Variants in MAGEL2 observed in about 807,000 individuals in gnomAD.
The protein encoded by MAGEL2 is MAGE-like protein 2.
For missense variants in MAGEL2, 1,830 were observed against 1,699.2 expected (o/e 1.08, Z -1.35); for synonymous variants, 792 against 721.7 (o/e 1.10, Z -1.56).
chr15:23,646,451 C>A lies in MAGEL2; in HGVS notation c.1292G>T (p.Arg431Leu). ...CTGGCGGATCAGCGGTGGGGCCTGT[C>A]GCACCGGTGGTGGGCCAGGGCGGAT... is the stretch of plus-strand genomic sequence containing the variant. ...PPIRPGPPPV[R>L]QAPPLIRQAP... Residue 431 changes from arginine (R) to leucine (L), a missense_variant, in exon 1 of 1, where the codon CGA (arginine) becomes CTA (leucine). By Grantham distance (102) the Arg-to-Leu change is moderately radical. Transcript: ENST00000650528. This position sits in a 1 kb window ranked among gnomAD's most constrained non-coding sequence, Gnocchi z 4.2. 2 of 1,422,164 alleles carry A rather than the reference C, an allele frequency of 1.4e-6. No homozygotes were observed. The highest frequency in any genetic ancestry group is 1.8e-6 in the Non-Finnish European group (2 of 1,097,226). The allele number at this position is 1,422,164 out of a possible 1,614,324, so 88.1% of individuals were successfully genotyped here.
In MAGEL2 at chr15:23,644,140, C is replaced by T; in HGVS notation, c.3603G>A (p.Leu1201=). ...GTGGATCTTTCTTATGGAGCTTGGC[C>T]AAAAACCTCAGGACAAGCATCTTGC... is the stretch of plus-strand genomic sequence containing the variant. ...ETSKMLVLRF[L]AKLHKKDPQS... Residue 1201 remains leucine (L), a synonymous_variant, in exon 1 of 1, where the codon TTG becomes TTA. Coordinates refer to ENST00000650528, the MANE Select transcript of MAGEL2 (RefSeq NM_019066.5). 6.2e-7 allele frequency: 1 copy of T among 1,613,890 alleles called. No individual in the cohort carries two copies. The highest frequency in any genetic ancestry group is 1.7e-5 in the Admixed American group (1 of 60,010).
chr15:23,647,451 G>T lies in MAGEL2; in HGVS notation c.292C>A (p.Pro98Thr). The T allele has an allele frequency of 3.3e-6, 5 of 1,535,234 alleles. No homozygotes were observed. The highest frequency in any genetic ancestry group is 3.5e-6 in the Non-Finnish European group (4 of 1,146,466). The change falls in exon 1 of 1, where the codon CCG (proline) becomes ACG (threonine). Residue 98 changes from proline to threonine, a missense_variant. Physicochemically the swap from Pro to Thr is conservative, Grantham distance 38. Coordinates refer to ENST00000650528, the MANE Select transcript of MAGEL2 (RefSeq NM_019066.5). ...PIVPAPPLGG[P>T]MGKPPTPGVL... ...CCGGGAGTCGGAGGCTTACCCATCG[G>T]GCCCCCCAGCGGGGGAGCCGGGACT...
Position 23,647,715 on chromosome 15 carries a change from CACCCAGATTCTT to C in MAGEL2, c.16_27del (p.Lys6_Gly9del). 2 of 1,471,408 alleles carry C rather than the reference CACCCAGATTCTT, an allele frequency of 1.4e-6. No individual in the cohort carries two copies. Among genetic ancestry groups the C allele is most frequent in the Non-Finnish European group, 1.8e-6 (2 of 1,117,906 alleles). 91.1% of individuals were successfully genotyped at this position (1,471,408 alleles called of 1,614,324 possible). On this transcript the variant is annotated inframe_deletion, in exon 1 of 1. Coordinates refer to ENST00000650528, the MANE Select transcript of MAGEL2 (RefSeq NM_019066.5). ...GGGGCCTCCGCCGGAGGACTCGAGT[CACCCAGATTCTT>C]ACTTAGCTGCGACATGTCCCTTTGC...
chr15:23,645,636 C>T lies in MAGEL2; in HGVS notation c.2107G>A (p.Ala703Thr). The stretch of plus-strand genomic sequence containing the variant: ...GCGGAGCCCAGGGGAAAATTTGCCG[C>T]TGCTACCGGGGGTCCGGGCTGGGCC... ...LQAQPGPPVA[A>T]ANFPLGSAKS... Residue 703 changes from alanine (A) to threonine (T), a missense_variant, in exon 1 of 1, where the codon GCG becomes ACG. By Grantham distance (58) the Ala-to-Thr change is moderately conservative. Coordinates refer to ENST00000650528, the MANE Select transcript of MAGEL2 (RefSeq NM_019066.5). 6.3e-7 allele frequency: 1 copy of T among 1,588,244 alleles called. No individual in the cohort carries two copies. Among genetic ancestry groups the T allele is most frequent in the Non-Finnish European group, 8.6e-7 (1 of 1,168,354 alleles).
Position 23,646,961 on chromosome 15 carries a change from T to G in MAGEL2, c.782A>C (p.Gln261Pro). The change falls in exon 1 of 1, where the codon CAG becomes CCG. Residue 261 changes from glutamine (Q) to proline (P), a missense_variant. By Grantham distance (76) the Gln-to-Pro change is moderately conservative. Coordinates refer to ENST00000650528, the MANE Select transcript of MAGEL2 (RefSeq NM_019066.5). The surrounding 1 kb of genome is among the most constrained non-coding windows in gnomAD (Gnocchi z 4.2). ...GGTCATCATGGCTGCTGGAGGCGGC[T>G]GGACCATCGGTGCTCCCGGAGCAGC... ...QPAAPGAPMVQPPPAAMMTQP... is the reference protein window; with the variant it reads ...QPAAPGAPMVPPPPAAMMTQP... 1 of 1,536,736 alleles carries G rather than the reference T, an allele frequency of 6.5e-7. No homozygotes were observed. The highest frequency in any genetic ancestry group is 1.2e-5 in the South Asian group (1 of 84,056).
At position 23,647,816 on chromosome 15, in the gene MAGEL2, G is replaced by A; in HGVS notation, c.-74C>T. ...CCTTTTCCTCCAGAGAGAAGAGAAT[G>A]CCTACGTGGCTGTTCAGAGGCTCCC... On this transcript the variant is annotated 5_prime_UTR_variant, in exon 1 of 1. Transcript: ENST00000650528. The A allele has an allele frequency of 7.2e-7, 1 of 1,390,038 alleles. No individual in the cohort carries two copies. Among genetic ancestry groups the A allele is most frequent in the Non-Finnish European group, 9.4e-7 (1 of 1,065,130 alleles). The allele number at this position is 1,390,038 out of a possible 1,614,324, so 86.1% of individuals were successfully genotyped here. A position where few individuals can be genotyped will look rare whatever the true frequency, so the allele number is the denominator to read the frequency against.
Position 23,647,394 on chromosome 15 carries a change from C to A in MAGEL2, c.349G>T (p.Ala117Ser). ...VLMVHPPPPG[A>S]PMAQPPTPGV... is the part of the protein sequence containing the mutation. Reference sequence around the variant, plus strand: ...GGGGTCGGAGGCTGGGCCATCGGGGCTCCCGGAGGTGGAGGATGCACCATC... The same window carrying A: ...GGGGTCGGAGGCTGGGCCATCGGGGATCCCGGAGGTGGAGGATGCACCATC... Residue 117 changes from alanine to serine, a missense_variant, in exon 1 of 1, where the codon GCC becomes TCC. Coordinates refer to ENST00000650528, the MANE Select transcript of MAGEL2 (RefSeq NM_019066.5). 1 of 1,535,878 alleles carries A rather than the reference C, an allele frequency of 6.5e-7. No homozygotes were observed. Among genetic ancestry groups the A allele is most frequent in the Non-Finnish European group, 8.7e-7 (1 of 1,146,518 alleles).
chr15:23,646,555 C>A lies in MAGEL2; in HGVS notation c.1188G>T (p.Trp396Cys). 1 of 1,474,154 alleles carries A rather than the reference C, an allele frequency of 6.8e-7. No individual in the cohort carries two copies. Among genetic ancestry groups the A allele is most frequent in the Non-Finnish European group, 8.9e-7 (1 of 1,118,880 alleles). The allele number at this position is 1,474,154 out of a possible 1,614,324, so 91.3% of individuals were successfully genotyped here. ...PLTWQTTQVT[W>C]QAPAVTWQVP... ...CCTGCCAGGTAACGGCTGGTGCCTG[C>A]CAGGTGACCTGCGTGGTCTGCCAAG... The change falls in exon 1 of 1, where the codon TGG (tryptophan) becomes TGT (cysteine). Residue 396 changes from tryptophan to cysteine, a missense_variant. Coordinates refer to ENST00000650528, the MANE Select transcript of MAGEL2 (RefSeq NM_019066.5). This position sits in a 1 kb window ranked among gnomAD's most constrained non-coding sequence, Gnocchi z 4.2.
In MAGEL2 at chr15:23,644,653, G is replaced by C. The variant is rs775596633; in HGVS notation, c.3090C>G (p.Phe1030Leu). The part of the protein sequence containing the change: ...LDERANALVQ[F>L]LLVKDQAKVP... Reference sequence around the variant, plus strand: ...CCTTGGCTTGGTCCTTGACTAAGAGGAACTGCACCAACGCATTTGCCCTCT... The same window carrying C: ...CCTTGGCTTGGTCCTTGACTAAGAGCAACTGCACCAACGCATTTGCCCTCT... The change falls in exon 1 of 1, where the codon TTC (phenylalanine) becomes TTG (leucine). Residue 1030 changes from phenylalanine to leucine, a missense_variant. Physicochemically the swap from Phe to Leu is conservative, Grantham distance 22. Coordinates refer to ENST00000650528, the MANE Select transcript of MAGEL2 (RefSeq NM_019066.5). 3 of 1,613,846 alleles carry C rather than the reference G, an allele frequency of 1.9e-6. No individual in the cohort carries two copies. The South Asian group carries it at 3.3e-5, about 18-fold the overall frequency.
rs867498290 is a variant in MAGEL2 at position 23,647,711 on chromosome 15, G to A, written c.32C>T (p.Ser11Leu). 1 of 1,478,430 alleles carries A rather than the reference G, an allele frequency of 6.8e-7. No individual in the cohort carries two copies. The highest frequency in any genetic ancestry group is 8.9e-7 in the Non-Finnish European group (1 of 1,121,538). The allele number at this position is 1,478,430 out of a possible 1,614,324, so 91.6% of individuals were successfully genotyped here. A position where few individuals can be genotyped will look rare whatever the true frequency, so the allele number is the denominator to read the frequency against. ...CTTCGGGGCCTCCGCCGGAGGACTC[G>A]AGTCACCCAGATTCTTACTTAGCTG... MSQLSKNLGD[S>L]SPPAEAPKPP... Residue 11 changes from serine (S) to leucine (L), a missense_variant, in exon 1 of 1, where the codon TCG becomes TTG. Transcript: ENST00000650528.
In MAGEL2 at chr15:23,647,036, C is replaced by T; in HGVS notation, c.707G>A (p.Gly236Glu). ...AGTCAGAGGCTGGGCCATCAGGACT[C>T]CCGGAGCTGGAGGCTGGGCCATCGG... Reference protein sequence around the residue: ...GTPMAQPPAPGVLMAQPLTPG... With the variant: ...GTPMAQPPAPEVLMAQPLTPG... Residue 236 changes from glycine (G) to glutamate (E), a missense_variant, in exon 1 of 1, where the codon GGA becomes GAA. Coordinates refer to ENST00000650528, the MANE Select transcript of MAGEL2 (RefSeq NM_019066.5). 1 of 1,536,820 alleles carries T rather than the reference C, an allele frequency of 6.5e-7. No individual in the cohort carries two copies. The highest frequency in any genetic ancestry group is 8.7e-7 in the Non-Finnish European group (1 of 1,146,816).
chr15:23,646,071 C>A lies in MAGEL2; in HGVS notation c.1672G>T (p.Gly558Cys). The change falls in exon 1 of 1, where the codon GGC becomes TGC. Residue 558 changes from glycine to cysteine, a missense_variant. By Grantham distance (159) the Gly-to-Cys change is radical. Coordinates refer to ENST00000650528, the MANE Select transcript of MAGEL2 (RefSeq NM_019066.5). The surrounding 1 kb of genome is among the most constrained non-coding windows in gnomAD (Gnocchi z 4.2). ...ATQVPAAPPA[G>C]PQVPQPVLPA... ...AGCACAGGCTGGGGCACCTGCGGGC[C>A]AGCGGGCGGCGCCGCGGGTACCTGC... The A allele has an allele frequency of 6.7e-7, 1 of 1,489,526 alleles. No homozygotes were observed. Among genetic ancestry groups the A allele is most frequent in the Non-Finnish European group, 8.9e-7 (1 of 1,123,684 alleles). 92.3% of individuals were successfully genotyped at this position (1,489,526 alleles called of 1,614,324 possible). A position where few individuals can be genotyped will look rare whatever the true frequency, so the allele number is the denominator to read the frequency against.
At position 23,647,844 on chromosome 15, in the gene MAGEL2, C is replaced by T. The variant is rs1359044659; in HGVS notation, c.-102G>A. 1 of 1,214,952 alleles carries T rather than the reference C, an allele frequency of 8.2e-7. No homozygotes were observed. Among genetic ancestry groups the T allele is most frequent in the East Asian group, 2.7e-5 (1 of 36,954 alleles). 75.3% of individuals were successfully genotyped at this position (1,214,952 alleles called of 1,614,324 possible). A position where few individuals can be genotyped will look rare whatever the true frequency, so the allele number is the denominator to read the frequency against. On this transcript the variant is annotated 5_prime_UTR_variant, in exon 1 of 1. Transcript: ENST00000650528. The stretch of plus-strand genomic sequence containing the variant: ...TACGTGGCTGTTCAGAGGCTCCCTC[C>T]CTGCTGAATGCTGAATAGGAAGTGA...
In MAGEL2 at chr15:23,646,484, G is replaced by A; in HGVS notation, c.1259C>T (p.Pro420Leu). The change falls in exon 1 of 1, where the codon CCA (proline) becomes CTA (leucine). Residue 420 changes from proline to leucine, a missense_variant. Transcript: ENST00000650528. The surrounding 1 kb of genome is among the most constrained non-coding windows in gnomAD (Gnocchi z 4.2). ...RQGPPPIRPG[P>L]PPIRPGPPPV... ...TGGTGGGCCAGGGCGGATGGGTGGT[G>A]GGCCAGGGCGGATGGGCGGGGGCCC... is the stretch of plus-strand genomic sequence containing the variant. 3.5e-6 allele frequency: 5 copies of A among 1,444,730 alleles called. No individual in the cohort carries two copies. Among genetic ancestry groups the A allele is most frequent in the Non-Finnish European group, 4.5e-6 (5 of 1,106,532 alleles). The allele number at this position is 1,444,730 out of a possible 1,614,324, so 89.5% of individuals were successfully genotyped here. A position where few individuals can be genotyped will look rare whatever the true frequency, so the allele number is the denominator to read the frequency against.
rs182811230 is a variant in MAGEL2 at position 23,647,490 on chromosome 15, G to A, written c.253C>T (p.Leu85=). The change falls in exon 1 of 1, where the codon CTA becomes TTA. Residue 85 remains leucine, a synonymous_variant. Coordinates refer to ENST00000650528, the MANE Select transcript of MAGEL2 (RefSeq NM_019066.5). ...GGAGCCGGGACTATCGGGCCCCCTA[G>A]GGCAGGAGGCTGGGTCATCGGAACC... ...PVVPMTQPPA[L]GGPIVPAPPL... 44 of 1,532,136 alleles carry A rather than the reference G, an allele frequency of 2.9e-5. No homozygotes were observed. The highest frequency in any genetic ancestry group is 4.0e-5 in the Admixed American group (2 of 50,490). The allele number at this position is 1,532,136 out of a possible 1,614,324, so 94.9% of individuals were successfully genotyped here. A position where few individuals can be genotyped will look rare whatever the true frequency, so the allele number is the denominator to read the frequency against.
Position 23,644,823 on chromosome 15 carries a change from T to G in MAGEL2, c.2920A>C (p.Ser974Arg). ...SWALSAWEGP[S>R]TSRALGLSES... ...GAGAGACCCAGGGCCCTGGAGGTGC[T>G]CGGGCCCTCCCAGGCACTCAGGGCC... The change falls in exon 1 of 1, where the codon AGC becomes CGC. Residue 974 changes from serine to arginine, a missense_variant. Coordinates refer to ENST00000650528, the MANE Select transcript of MAGEL2 (RefSeq NM_019066.5). The G allele has an allele frequency of 6.2e-7, 1 of 1,612,710 alleles. No homozygotes were observed.
rs1890371737 is a variant in MAGEL2 at position 23,645,310 on chromosome 15, TGAGGCAGCA to T, written c.2424_2432del (p.Ala809_Ser811del). 6.2e-7 allele frequency: 1 copy of T among 1,613,856 alleles called. No individual in the cohort carries two copies. Among genetic ancestry groups the T allele is most frequent in the Non-Finnish European group, 8.5e-7 (1 of 1,179,892 alleles). The stretch of plus-strand genomic sequence containing the variant: ...CATATGGCAGTGACTTTGGGGTCTC[TGAGGCAGCA>T]GAGGGGCCTTTAAAGGCATTCAGAG... On this transcript the variant is annotated inframe_deletion, in exon 1 of 1. Coordinates refer to ENST00000650528, the MANE Select transcript of MAGEL2 (RefSeq NM_019066.5).
Position 23,647,639 on chromosome 15 carries a change from G to A in MAGEL2, c.104C>T (p.Ala35Val). ...AGGGACTGGCGGAGCCCGGGAGGAA[G>A]CGGGCGGGGCCCGCATCAGAACCGT... ...RPTVLMRAPP[A>V]SSRAPPVPWD... Residue 35 changes from alanine to valine, a missense_variant, in exon 1 of 1, where the codon GCT becomes GTT. Physicochemically the swap from Ala to Val is moderately conservative, Grantham distance 64. Transcript: ENST00000650528. 6.5e-7 allele frequency: 1 copy of A among 1,536,718 alleles called. No homozygotes were observed. The highest frequency in any genetic ancestry group is 8.7e-7 in the Non-Finnish European group (1 of 1,146,768).
At position 23,646,951 on chromosome 15, in the gene MAGEL2, T is replaced by G; in HGVS notation, c.792A>C (p.Pro264=). ...GCTGAGGCTGGGTCATCATGGCTGC[T>G]GGAGGCGGCTGGACCATCGGTGCTC... is the stretch of plus-strand genomic sequence containing the variant. ...APGAPMVQPP[P]AAMMTQPQPS... Residue 264 remains proline (P), a synonymous_variant, in exon 1 of 1, where the codon CCA becomes CCC. Coordinates refer to ENST00000650528, the MANE Select transcript of MAGEL2 (RefSeq NM_019066.5). The surrounding 1 kb of genome is among the most constrained non-coding windows in gnomAD (Gnocchi z 4.2). The G allele has an allele frequency of 6.5e-7, 1 of 1,536,584 alleles. No individual in the cohort carries two copies. Among genetic ancestry groups the G allele is most frequent in the Non-Finnish European group, 8.7e-7 (1 of 1,146,780 alleles).
Sources: allele counts gnomAD v4.1 joint callset, GRCh38; gene constraint gnomAD v4.1.1; non-coding constraint Gnocchi (gnomAD v3.1); transcripts MANE v1.5; gene names NCBI Gene and HGNC (gene_info 2026-07-23, HGNC 2026-07-21).